The following HACD2 variants were observed in gnomAD, a reference collection of about 807,000 sequenced individuals.
HACD2 encodes 3-hydroxyacyl-CoA dehydratase 2.
Under a neutral mutation model 31.0 loss-of-function variants are expected in HACD2, and 15 were observed. The ratio of observed to expected loss-of-function variants is 0.48; its 90% CI spans 0.32 to 0.75. The LOEUF (loss-of-function observed/expected upper bound fraction) is 0.75, where lower values mean the gene tolerates loss of function less well. Ranked by LOEUF, HACD2 falls within the 30% of genes least tolerant of loss-of-function variation. HACD2 has a pLI of 0.03. For missense variants in HACD2, 283 were observed against 313.0 expected, an observed-to-expected ratio of 0.90 and a Z score of 0.72; for synonymous variants, 115 against 122.2, an observed-to-expected ratio of 0.94 and a Z score of 0.39.
In HACD2 at chr3:123,500,593, T is replaced by C. The variant is rs2055890783; in HGVS notation, c.604A>G (p.Ile202Val). Reference sequence around the variant, plus strand: ...AAATTGTATTTGTTGGGTAAACTGATGGAATATAGGCCAGCTTGTCTGACA... The same window carrying C: ...AAATTGTATTTGTTGGGTAAACTGACGGAATATAGGCCAGCTTGTCTGACA... ...PFVRQAGLYS[I>V]SLPNKYNFSF... The change falls in exon 6 of 7, where the codon ATC (isoleucine) becomes GTC (valine). Residue 202 changes from isoleucine to valine, a missense_variant. Transcript: ENST00000383657. 6.2e-7 allele frequency: 1 copy of C among 1,612,500 alleles called. No individual in the cohort carries two copies. Among genetic ancestry groups the C allele is most frequent in the Non-Finnish European group, 8.5e-7 (1 of 1,178,680 alleles).
At chr3:123,523,830 C>A (rs1412468747) in intron 4 of HACD2, among the ~76,000 whole-genome samples, 2 of 152,218 alleles carry the variant, frequency 1.3e-5, no homozygotes, top group African/African-American at 4.8e-5. Context: ...AGCAACTCCA[C>A]CCCAGTGTGA....
chr3:123,551,818 C>T (rs2056623586), intron 3 of HACD2, among the ~76,000 whole-genome samples: 1 of 151,988 alleles, frequency 6.6e-6, no homozygotes, highest in Non-Finnish European at 1.5e-5. Flanking sequence ...TTAAAACCAC[C>T]AACATATTTA....
At chr3:123,547,502 C>T (rs190549693) in intron 3 of HACD2, among the ~76,000 whole-genome samples, 1 of 152,188 alleles carries the variant, frequency 6.6e-6, no homozygotes, top group Non-Finnish European at 1.5e-5. Context: ...AGGTTCCTGT[C>T]AAGTTTAGGA....
chr3:123,524,719 T>G (rs558348453), intron 4 of HACD2, among the ~76,000 whole-genome samples: 3 of 152,242 alleles, frequency 2.0e-5, no homozygotes, highest in Non-Finnish European at 2.9e-5. Context: ...TTGCCCCAGC[T>G]GGTGTTGAAC....
intron 3 of HACD2, among the ~76,000 whole-genome samples, chr3:123,533,335 G>A (rs1428429303): frequency 6.6e-6 from 1 of 152,156 alleles, no homozygotes; most frequent in Non-Finnish European, 1.5e-5. Context: ...TTTTAGCAGA[G>A]ACAGGGTTTC....
At chr3:123,572,642 T>C (rs1247966233) in intron 2 of HACD2, among the ~76,000 whole-genome samples, 3 of 152,228 alleles carry the variant, frequency 2.0e-5, no homozygotes, top group African/African-American at 7.2e-5. Context: ...AATAAATTAC[T>C]TGGAAACATC....
At position 123,529,006 on chromosome 3, in the gene HACD2, C is replaced by CT. The variant is rs5852343; in HGVS notation, c.293-533dup. Reference sequence around the variant, plus strand: ...CAACATAAAAGACTATCTTTAAAACCTTTTTTTTTTTTTATCACCTTGTTC... The same window carrying CT: ...CAACATAAAAGACTATCTTTAAAACCTTTTTTTTTTTTTTATCACCTTGTTC... On this transcript the variant is annotated intron_variant, in intron 3 of 6. Transcript: ENST00000383657. 2.7e-3 allele frequency among the ~76,000 whole-genome samples: 398 copies of CT among 148,874 alleles called. 2 individuals carry two copies. Among genetic ancestry groups the CT allele is most frequent in the Middle Eastern group, 0.021 (6 of 286 alleles).
At chr3:123,551,543 A>C (rs1004747855) in intron 3 of HACD2, among the ~76,000 whole-genome samples, 12 of 151,836 alleles carry the variant, frequency 7.9e-5, no homozygotes, top group African/African-American at 2.7e-4. Context: ...GGAATCCCTT[A>C]AACCCGGGAG....
intron 4 of HACD2, among the ~76,000 whole-genome samples, chr3:123,521,419 C>G (rs1164275200): frequency 6.6e-6 from 1 of 152,104 alleles, no homozygotes; most frequent in Non-Finnish European, 1.5e-5. Context: ...AGGGGAACCT[C>G]AGGACCGTAG....
At chr3:123,543,225 A>C (rs2056515642) in intron 3 of HACD2, among the ~76,000 whole-genome samples, 1 of 152,248 alleles carries the variant, frequency 6.6e-6, no homozygotes. Context: ...TTGGTAGCTG[A>C]AGCCAATTTG....
rs1224080624 is a variant in HACD2 at position 123,585,032 on chromosome 3, A to C, written c.-5T>G. ...AGTCGCCGCCACTGCCGCCATGTCA[A>C]GTGCCCGAAGCCCGCTCTCCTAGCG... On this transcript the variant is annotated 5_prime_UTR_variant, in exon 1 of 7. Coordinates refer to ENST00000383657, the MANE Select transcript of HACD2 (RefSeq NM_198402.5). The C allele has an allele frequency of 6.7e-7, 1 of 1,486,256 alleles. No homozygotes were observed. The highest frequency in any genetic ancestry group is 1.5e-5 in the African/African-American group (1 of 68,280). The allele number at this position is 1,486,256 out of a possible 1,614,324, so 92.1% of individuals were successfully genotyped here. A position where few individuals can be genotyped will look rare whatever the true frequency, so the allele number is the denominator to read the frequency against.
rs1362878338 is a variant in HACD2 at position 123,494,777 on chromosome 3, T to A, written c.*111A>T. ...TTGTTTTAGTTTTGTTTGAATATTTTAAAAATAGTTCTTACTTATTTTCTA... is the reference window on the plus strand; with the variant it reads ...TTGTTTTAGTTTTGTTTGAATATTTAAAAAATAGTTCTTACTTATTTTCTA... On this transcript the variant is annotated 3_prime_UTR_variant, in exon 7 of 7. Coordinates refer to ENST00000383657, the MANE Select transcript of HACD2 (RefSeq NM_198402.5). 3 of 746,114 alleles carry A rather than the reference T, an allele frequency of 4.0e-6. No homozygotes were observed. The highest frequency in any genetic ancestry group is 6.8e-6 in the Non-Finnish European group (3 of 441,138). The allele number at this position is 746,114 out of a possible 1,614,324, so 46.2% of individuals were successfully genotyped here.
chr3:123,582,836 C>T (rs2056980998), intron 1 of HACD2, among the ~76,000 whole-genome samples: 1 of 151,650 alleles, frequency 6.6e-6, no homozygotes, highest in Admixed American at 6.6e-5. Context: ...GAATAAAGGG[C>T]TCTTGCTAAA....
intron 3 of HACD2, among the ~76,000 whole-genome samples, chr3:123,563,251 G>A (rs558230457): frequency 6.6e-6 from 1 of 152,322 alleles, no homozygotes; most frequent in Admixed American, 6.5e-5. Context: ...GTGAGGAAGA[G>A]TCTCTACTCT....
At chr3:123,545,999 C>T (rs2056555323) in intron 3 of HACD2, among the ~76,000 whole-genome samples, 1 of 152,038 alleles carries the variant, frequency 6.6e-6, no homozygotes, top group African/African-American at 2.4e-5. Flanking sequence ...GAATGAACCA[C>T]CGTGCCTGGC....
At chr3:123,581,284 G>A (rs558863055) in intron 2 of HACD2, among the ~76,000 whole-genome samples, 7 of 152,204 alleles carry the variant, frequency 4.6e-5, no homozygotes, top group East Asian at 1.9e-4. Flanking sequence ...GAACTATGGC[G>A]GCTATTGATT....
intron 3 of HACD2, among the ~76,000 whole-genome samples, chr3:123,534,834 T>C (rs1352973146): frequency 1.3e-5 from 1 of 78,836 alleles, no homozygotes; most frequent in African/African-American, 3.9e-5. Flanking sequence ...AACAAAAAAG[T>C]TTTAAAGAGT....
chr3:123,504,530 T>TAA lies in HACD2; in HGVS notation c.382-1851_382-1850dup, dbSNP rs370207577. On this transcript the variant is annotated intron_variant, in intron 4 of 6. Transcript: ENST00000383657. The stretch of plus-strand genomic sequence containing the variant: ...GTAGTCTTAGTGACCTTCAAATAGG[T>TAA]AAAAAAAAAAAACAAACAAAACCCA... 5.3e-3 allele frequency among the ~76,000 whole-genome samples: 752 copies of TAA among 141,290 alleles called. 6 individuals are homozygous for TAA. Among genetic ancestry groups the TAA allele is most frequent in the African/African-American group, 0.019 (728 of 38,674 alleles). 92.7% of individuals were successfully genotyped at this position (141,290 alleles called of 152,430 possible). A position where few individuals can be genotyped will look rare whatever the true frequency, so the allele number is the denominator to read the frequency against.
intron 2 of HACD2, among the ~76,000 whole-genome samples, chr3:123,579,978 T>C (rs1245657529): frequency 6.6e-6 from 1 of 152,110 alleles, no homozygotes; most frequent in Non-Finnish European, 1.5e-5. Flanking sequence ...CCCAAATCTA[T>C]AGAGTCAGTT....
Sources: allele counts gnomAD v4.1 joint callset (sites outside exome capture counted in the v4.1 genomes callset), GRCh38; gene constraint gnomAD v4.1.1; transcripts MANE v1.5; gene names NCBI Gene and HGNC (gene_info 2026-07-23, HGNC 2026-07-21).